ALK: variants seen among roughly 807,000 people sequenced by gnomAD.
ALK encodes ALK receptor tyrosine kinase.
Under a neutral mutation model 163.1 loss-of-function variants are expected in ALK, and 74 were observed. That is an observed-to-expected ratio of 0.45 (90% confidence interval 0.38 to 0.55). ALK has a LOEUF of 0.55. Among genes scored for constraint, ALK ranks in the 20% least tolerant of loss-of-function variants. ALK has a pLI of 0.00. For missense variants in ALK, 2,063 were observed against 2,105.3 expected (o/e 0.98, Z 0.39); for synonymous variants, 960 against 843.2 (o/e 1.14, Z -2.40).
At chr2:29,273,434 G>T (rs889698213) in intron 11 of ALK, among the ~76,000 whole-genome samples, 1 of 152,232 alleles carries the variant, frequency 6.6e-6, no homozygotes, top group Non-Finnish European at 1.5e-5. Context: ...GAGGTGGTGG[G>T]GGAGTCATCG....
chr2:29,445,523 T>A lies in ALK; in HGVS notation c.1155-61664A>T, dbSNP rs946891750. On this transcript the variant is annotated intron_variant, in intron 4 of 28. Transcript: ENST00000389048. ...TGAAGAGGAGATGCTGGATTAATAGTAAATAAGGGCTGGGCATGGTGGCTC... is the reference window on the plus strand; with the variant it reads ...TGAAGAGGAGATGCTGGATTAATAGAAAATAAGGGCTGGGCATGGTGGCTC... 3.3e-5 allele frequency among the ~76,000 whole-genome samples: 5 copies of A among 152,222 alleles called. No individual in the cohort carries two copies. The East Asian group carries it at 7.7e-4, about 24-fold the overall frequency.
At position 29,532,069 on chromosome 2, in the gene ALK, G is replaced by C; in HGVS notation, c.1000C>G (p.Leu334Val). 6.2e-7 allele frequency: 1 copy of C among 1,614,098 alleles called. No homozygotes were observed. Among genetic ancestry groups the C allele is most frequent in the Non-Finnish European group, 8.5e-7 (1 of 1,180,014 alleles). The change falls in exon 4 of 29, where the codon CTG becomes GTG. Residue 334 changes from leucine to valine, a missense_variant. This residue lies in a region of ALK where 987 missense variants were observed against 939.5 expected (regional missense o/e 1.05). Coordinates refer to ENST00000389048, the MANE Select transcript of ALK (RefSeq NM_004304.5). ...CTGCTGCTCCTCATCCACGGACTCA[G>C]GATGGTGTGCTTGGAGTCAGCTGAG... Reference protein sequence around the residue: ...NTSADSKHTILSPWMRSSSEH... With the variant: ...NTSADSKHTIVSPWMRSSSEH...
chr2:29,275,467 C>G lies in ALK; in HGVS notation c.1847G>C (p.Gly616Ala). ...RFWLQMVAWW[G>A]QGSRAIVAFD... is the part of the protein sequence containing the mutation. The stretch of plus-strand genomic sequence containing the variant: ...AGCCACGATGGCTCTGGATCCTTGT[C>G]CCCACCATGCGACCATCTGCAGCCA... Residue 616 changes from glycine to alanine, a missense_variant, in exon 10 of 29, where the codon GGA becomes GCA. Gly to Ala is a moderately conservative substitution (Grantham distance 60). Coordinates refer to ENST00000389048, the MANE Select transcript of ALK (RefSeq NM_004304.5). 1 of 1,614,102 alleles carries G rather than the reference C, an allele frequency of 6.2e-7. No individual in the cohort carries two copies. The highest frequency in any genetic ancestry group is 2.2e-5 in the East Asian group (1 of 44,868).
chr2:29,312,792 G>A (rs778532313), intron 8 of ALK, among the ~76,000 whole-genome samples: 60 of 152,196 alleles, frequency 3.9e-4, no homozygotes, highest in Non-Finnish European at 6.8e-4. Context: ...AGCCAGACTA[G>A]CTGGATCTGC....
At chr2:29,480,219 A>T (rs544449056) in intron 4 of ALK, among the ~76,000 whole-genome samples, 1 of 152,308 alleles carries the variant, frequency 6.6e-6, no homozygotes, top group South Asian at 2.1e-4. Flanking sequence ...TAACACCAGC[A>T]ACCTCAGCAG....
chr2:29,588,023 A>G (rs1014234787), intron 3 of ALK, among the ~76,000 whole-genome samples: 1 of 152,114 alleles, frequency 6.6e-6, no homozygotes. Context: ...GTTTGGGCCA[A>G]CAGGAATTTC....
chr2:29,289,524 C>T (rs1256526924), intron 9 of ALK, among the ~76,000 whole-genome samples: 4 of 152,218 alleles, frequency 2.6e-5, no homozygotes, highest in African/African-American at 9.7e-5. Flanking sequence ...CGGGAAGGGA[C>T]ACTTGTGCTG....
At chr2:29,423,558 G>A (rs11898966) in intron 4 of ALK, among the ~76,000 whole-genome samples, 15,172 of 152,236 alleles carry the variant, frequency 0.1, 844 homozygotes, top group Non-Finnish European at 0.13. Flanking sequence ...CTGCTTCTTC[G>A]TGACCAAGCT....
chr2:29,585,052 T>G (rs187892762), intron 3 of ALK, among the ~76,000 whole-genome samples: 2 of 152,336 alleles, frequency 1.3e-5, no homozygotes, highest in East Asian at 1.9e-4. Context: ...CATGGTTTTT[T>G]GTATTAAGGA....
At chr2:29,317,590 G>A (rs984725081) in intron 8 of ALK, among the ~76,000 whole-genome samples, 1 of 152,158 alleles carries the variant, frequency 6.6e-6, no homozygotes, top group African/African-American at 2.4e-5. Context: ...TTCAGGATAG[G>A]CACTATAAAT....
intron 2 of ALK, among the ~76,000 whole-genome samples, chr2:29,709,300 A>G (rs1286667905): frequency 6.6e-6 from 1 of 152,202 alleles, no homozygotes; most frequent in Non-Finnish European, 1.5e-5. Flanking sequence ...AAACTGATTA[A>G]TATGACTAGA....
chr2:29,201,861 TTCTC>T (rs560849272), intron 26 of ALK, among the ~76,000 whole-genome samples: 233 of 152,250 alleles, frequency 1.5e-3, no homozygotes, highest in African/African-American at 5.3e-3. Flanking sequence ...GCTCTCCTGT[TTCTC>T]TCAGCTAGCA....
chr2:29,583,035 G>GTTTTTTTTTTTTTTT (rs10637189), intron 3 of ALK, among the ~76,000 whole-genome samples: 2 of 108,026 alleles, frequency 1.9e-5, no homozygotes, highest in East Asian at 2.4e-4. Context: ...GCTAACTTTT[G>GTTTTTTTTTTTTTTT]TTTTTTGTTT....
intron 8 of ALK, among the ~76,000 whole-genome samples, chr2:29,316,859 G>A (rs1666847938): frequency 6.6e-6 from 1 of 152,220 alleles, no homozygotes; most frequent in Admixed American, 6.5e-5. Flanking sequence ...TAGTAGGATA[G>A]CATAGCCTAG....
At chr2:29,863,341 G>A (rs1428701589) in intron 1 of ALK, among the ~76,000 whole-genome samples, 1 of 152,132 alleles carries the variant, frequency 6.6e-6, no homozygotes, top group Admixed American at 6.5e-5. Context: ...GACAGCCTGT[G>A]GATTGAGAGA....
At chr2:29,695,556 A>G (rs1353981953) in intron 2 of ALK, among the ~76,000 whole-genome samples, 3 of 152,124 alleles carry the variant, frequency 2.0e-5, no homozygotes, top group Non-Finnish European at 2.9e-5. Context: ...AACCTAGATG[A>G]TGGGTCAGAG....
chr2:29,454,829 T>A (rs1460352602), intron 4 of ALK, among the ~76,000 whole-genome samples: 4 of 152,182 alleles, frequency 2.6e-5, no homozygotes, highest in Non-Finnish European at 5.9e-5. Context: ...TGGCAATTGA[T>A]ACATATAGTT....
chr2:29,816,995 T>C (rs996203780), intron 1 of ALK, among the ~76,000 whole-genome samples: 20 of 152,210 alleles, frequency 1.3e-4, no homozygotes, highest in Non-Finnish European at 1.5e-5. Flanking sequence ...AAGTGCTTTG[T>C]GCGTATGAAC....
chr2:29,491,695 C>T (rs775389524), intron 4 of ALK, among the ~76,000 whole-genome samples: 1 of 152,188 alleles, frequency 6.6e-6, no homozygotes, highest in Non-Finnish European at 1.5e-5. Context: ...GTTAATGAAA[C>T]AGGTTGTTAC....
Sources: gnomAD v4.1 joint callset for allele counts (sites outside exome capture counted in the v4.1 genomes callset) on GRCh38, gnomAD v4.1.1 for gene constraint, gnomAD v4.1.1 regional missense constraint, MANE v1.5 for transcripts, NCBI Gene and HGNC (gene_info 2026-07-23, HGNC 2026-07-21) for gene names.